Variants in TOX observed in about 807,000 individuals in gnomAD.
TOX encodes the protein thymocyte selection-associated high mobility group box protein TOX.
Under a neutral mutation model 53.7 loss-of-function variants are expected in TOX, and 11 were observed. That is an observed-to-expected ratio of 0.20 (90% CI 0.13 to 0.34). The LOEUF is 0.34. TOX is among the 10% of genes least tolerant of loss of function. The pLI is 1.00. For missense variants in TOX, 570 were observed against 664.6 expected, an observed-to-expected ratio of 0.86 and a Z score of 1.56; for synonymous variants, 225 against 245.3, an observed-to-expected ratio of 0.92 and a Z score of 0.77.
intron 3 of TOX, among the ~76,000 whole-genome samples, chr8:58,932,350 TTCA>T (rs1295529065): frequency 6.6e-6 from 1 of 152,184 alleles, no homozygotes; most frequent in Non-Finnish European, 1.5e-5. Context: ...ATAATTGTTC[TTCA>T]TCATTTTTCT....
intron 1 of TOX, among the ~76,000 whole-genome samples, chr8:59,047,430 T>C (rs999118304): frequency 2.0e-5 from 3 of 151,676 alleles, no homozygotes; most frequent in African/African-American, 7.3e-5. Flanking sequence ...GGTTTCACCT[T>C]GTTAGCCAGG....
intron 1 of TOX, among the ~76,000 whole-genome samples, chr8:59,023,530 C>T (rs1258059915): frequency 6.6e-6 from 1 of 152,146 alleles, no homozygotes; most frequent in Non-Finnish European, 1.5e-5. Context: ...CAGTCTATGG[C>T]TCTTTCCACT....
intron 5 of TOX, among the ~76,000 whole-genome samples, chr8:58,837,687 C>T (rs1810570128): frequency 6.6e-6 from 1 of 152,066 alleles, no homozygotes. Flanking sequence ...TAGCAAAGAG[C>T]AAAGAGGGTT....
At chr8:58,880,671 T>TG (rs1811368948) in intron 3 of TOX, among the ~76,000 whole-genome samples, 1 of 152,106 alleles carries the variant, frequency 6.6e-6, no homozygotes, top group Non-Finnish European at 1.5e-5. Context: ...GGGCCTGAGA[T>TG]GATGAAGTTG....
intron 1 of TOX, among the ~76,000 whole-genome samples, chr8:58,964,300 G>A (rs1019442663): frequency 4.6e-5 from 7 of 152,140 alleles, no homozygotes; most frequent in South Asian, 2.1e-4. Flanking sequence ...ATAAAAATAC[G>A]TATGTGTATC....
intron 1 of TOX, among the ~76,000 whole-genome samples, chr8:58,968,337 C>G (rs1188894943): frequency 1.3e-5 from 2 of 152,118 alleles, no homozygotes; most frequent in African/African-American, 4.8e-5. Flanking sequence ...TTTGTAGGAG[C>G]CTTCTTTTTC....
chr8:58,970,663 C>A (rs1396783934), intron 1 of TOX, among the ~76,000 whole-genome samples: 1 of 152,192 alleles, frequency 6.6e-6, no homozygotes, highest in Non-Finnish European at 1.5e-5. Context: ...TGCTTCACTA[C>A]CTCTTTCCTA....
intron 2 of TOX, among the ~76,000 whole-genome samples, chr8:58,949,398 C>A (rs1254323391): frequency 6.6e-6 from 1 of 152,144 alleles, no homozygotes; most frequent in Non-Finnish European, 1.5e-5. Context: ...CAAACCACAC[C>A]ATGACAAATA....
chr8:59,075,784 G>A (rs567431336), intron 1 of TOX, among the ~76,000 whole-genome samples: 4 of 152,162 alleles, frequency 2.6e-5, no homozygotes, highest in South Asian at 4.2e-4. Context: ...AAGGAAGGTG[G>A]AGTCAAAGGG....
intron 1 of TOX, among the ~76,000 whole-genome samples, chr8:58,977,870 A>G (rs2129180308): frequency 6.6e-6 from 1 of 152,334 alleles, no homozygotes; most frequent in South Asian, 2.1e-4. Flanking sequence ...CTAATCACAG[A>G]TTACCATGAC....
At chr8:58,967,494 T>TC (rs1379856008) in intron 1 of TOX, among the ~76,000 whole-genome samples, 2 of 152,080 alleles carry the variant, frequency 1.3e-5, no homozygotes, top group African/African-American at 4.8e-5. Context: ...CCATGTAGCC[T>TC]CCAGAGGCAC....
In TOX at chr8:58,867,096, T is replaced by C. The variant is rs568685073; in HGVS notation, c.412-15291A>G. 4.6e-5 allele frequency among the ~76,000 whole-genome samples: 7 copies of C among 152,320 alleles called. No homozygotes were observed. The South Asian group carries it at 1.0e-3, about 23-fold the overall frequency. Reference sequence around the variant, plus strand: ...TAAATTTAAAACCCTCTGATCATTCTTCTGCATCTACATTTACAAAAGCTA... The same window carrying C: ...TAAATTTAAAACCCTCTGATCATTCCTCTGCATCTACATTTACAAAAGCTA... On this transcript the variant is annotated intron_variant, in intron 3 of 8. Coordinates refer to ENST00000361421, the MANE Select transcript of TOX (RefSeq NM_014729.3).
chr8:58,969,693 A>G (rs1034405447), intron 1 of TOX, among the ~76,000 whole-genome samples: 2 of 152,110 alleles, frequency 1.3e-5, no homozygotes, highest in African/African-American at 4.8e-5. Flanking sequence ...TAGCACTTCT[A>G]TCTCCTCTAC....
chr8:58,987,329 G>A (rs1813350493), intron 1 of TOX, among the ~76,000 whole-genome samples: 2 of 152,168 alleles, frequency 1.3e-5, no homozygotes, highest in Admixed American at 1.3e-4. Context: ...GCAAATGCAG[G>A]TGGCCAAATG....
intron 4 of TOX, among the ~76,000 whole-genome samples, chr8:58,841,495 G>A (rs115293532): frequency 0.012 from 1,854 of 152,272 alleles, 34 homozygotes; most frequent in African/African-American, 0.041. Flanking sequence ...GACAAAAGGA[G>A]TCAACAAGGT....
At chr8:58,911,012 A>G (rs941772244) in intron 3 of TOX, among the ~76,000 whole-genome samples, 2 of 152,212 alleles carry the variant, frequency 1.3e-5, no homozygotes, top group African/African-American at 4.8e-5. Context: ...TATAGGATTT[A>G]AATTATTGCT....
chr8:59,007,159 C>T (rs79717855), intron 1 of TOX, among the ~76,000 whole-genome samples: 375 of 152,198 alleles, frequency 2.5e-3, no homozygotes, highest in African/African-American at 8.6e-3. Flanking sequence ...GCTATTACTT[C>T]TCCACAGCTC....
rs75856958 is a variant in TOX at position 58,961,839 on chromosome 8, G to A, written c.103-1831C>T. On this transcript the variant is annotated intron_variant, in intron 1 of 8. Transcript: ENST00000361421. ...TGAATTCTTTTCAACACAAAGATAGGCCAGCCCCAACCAATCTGCCTGTTA... is the reference window on the plus strand; with the variant it reads ...TGAATTCTTTTCAACACAAAGATAGACCAGCCCCAACCAATCTGCCTGTTA... 1.6e-4 allele frequency among the ~76,000 whole-genome samples: 24 copies of A among 152,242 alleles called. No individual in the cohort carries two copies. In the East Asian group the frequency reaches 4.4e-3, roughly 28 times the overall value.
chr8:58,818,050 G>T (rs1810210405), intron 6 of TOX, among the ~76,000 whole-genome samples: 1 of 152,152 alleles, frequency 6.6e-6, no homozygotes, highest in South Asian at 2.1e-4. Context: ...AGATGGAATA[G>T]ATGTACAGAT....
Sources: allele counts gnomAD v4.1 joint callset (sites outside exome capture counted in the v4.1 genomes callset), GRCh38; gene constraint gnomAD v4.1.1; transcripts MANE v1.5; gene names NCBI Gene and HGNC (gene_info 2026-07-23, HGNC 2026-07-21).